ICA1L: variants seen among roughly 807,000 people sequenced by gnomAD.
ICA1L encodes the protein islet cell autoantigen 1-like protein.
ICA1L carries 50 observed loss-of-function variants against 61.3 expected under a neutral mutation model. That is an observed-to-expected ratio of 0.82 (90% CI 0.65 to 1.03). The LOEUF (loss-of-function observed/expected upper bound fraction) is 1.03. Among genes scored for constraint, ICA1L ranks in the 50% least tolerant of loss-of-function variants. The pLI, the probability that ICA1L is intolerant of heterozygous loss-of-function variation, is 0.00. For synonymous variants in ICA1L, 161 were observed against 191.3 expected, an observed-to-expected ratio of 0.84 and a Z score of 1.31; for missense variants, 508 against 556.7, an observed-to-expected ratio of 0.91 and a Z score of 0.88.
chr2:202,845,155 T>C (rs1291754202), intron 1 of ICA1L, among the ~76,000 whole-genome samples: 1 of 152,196 alleles, frequency 6.6e-6, no homozygotes, highest in Admixed American at 6.5e-5. Context: ...TCAATATCCT[T>C]AACTTAATTA....
chr2:202,797,162 G>GTGTGTGTGTGTGTA (rs1374435872), intron 9 of ICA1L, among the ~76,000 whole-genome samples, 198 bp from the exon 10 acceptor site: 39 of 146,380 alleles, frequency 2.7e-4, no homozygotes, highest in South Asian at 2.2e-4. Context: ...GTGTGTGTGT[G>GTGTGTGTGTGTGTA]TATATGTATA....
chr2:202,851,422 T>A (rs1200792955), intron 1 of ICA1L, among the ~76,000 whole-genome samples: 3 of 152,160 alleles, frequency 2.0e-5, no homozygotes, highest in Non-Finnish European at 4.4e-5. Context: ...TGATGGACAT[T>A]TGGGTTGGTT....
intron 1 of ICA1L, chr2:202,841,770 C>T: frequency 2.3e-6 from 1 of 434,754 alleles, no homozygotes; most frequent in Non-Finnish European, 4.5e-6. Context: ...TCTGGGTCAC[C>T]ATGATGGACA....
intron 1 of ICA1L, among the ~76,000 whole-genome samples, chr2:202,866,837 T>C (rs1687531489): frequency 6.6e-6 from 1 of 151,932 alleles, no homozygotes; most frequent in East Asian, 1.9e-4. Flanking sequence ...GTCCCAACTA[T>C]TGAGGAGGCT....
intron 10 of ICA1L, among the ~76,000 whole-genome samples, chr2:202,795,282 C>T (rs1370143662): frequency 4.6e-5 from 7 of 151,962 alleles, no homozygotes; most frequent in African/African-American, 7.2e-5. Flanking sequence ...TGAGCCACCG[C>T]GCCCGGCCCT....
At chr2:202,853,528 G>A (rs961263410) in intron 1 of ICA1L, among the ~76,000 whole-genome samples, 33 of 151,866 alleles carry the variant, frequency 2.2e-4, no homozygotes, top group Non-Finnish European at 1.3e-4. Flanking sequence ...TAAACTAAAG[G>A]GCTTCTGCAC....
chr2:202,782,655 C>T (rs1274402596), intron 12 of ICA1L, among the ~76,000 whole-genome samples: 2 of 152,050 alleles, frequency 1.3e-5, no homozygotes, highest in Non-Finnish European at 2.9e-5. Flanking sequence ...GATCTGCCCA[C>T]CTTGGCCTCC....
At chr2:202,840,717 G>C in intron 1 of ICA1L, 2 of 599,202 alleles carry the variant, frequency 3.3e-6, no homozygotes, top group East Asian at 8.0e-5. Context: ...GCAGCCTCCA[G>C]CTCGGAGAGC....
chr2:202,783,105 A>C (rs940933171), intron 12 of ICA1L, among the ~76,000 whole-genome samples: 1 of 152,176 alleles, frequency 6.6e-6, no homozygotes, highest in Non-Finnish European at 1.5e-5. Flanking sequence ...AAAAAGGGAA[A>C]GCTTTCCCAT....
intron 10 of ICA1L, among the ~76,000 whole-genome samples, chr2:202,791,816 G>T (rs1206929654): frequency 6.6e-6 from 1 of 152,144 alleles, no homozygotes; most frequent in African/African-American, 2.4e-5. Flanking sequence ...TTGCACTCAA[G>T]CCTGGGCAAC....
At chr2:202,796,790 G>T (rs1692938663) in intron 10 of ICA1L, 100 bp downstream of exon 10, 2 of 653,632 alleles carry the variant, frequency 3.1e-6, no homozygotes, top group Admixed American at 3.2e-5. Flanking sequence ...GCATTCTTAT[G>T]TAGAGACCCA....
chr2:202,786,241 G>T (rs1446609070), intron 11 of ICA1L, among the ~76,000 whole-genome samples: 1 of 152,216 alleles, frequency 6.6e-6, no homozygotes, highest in Non-Finnish European at 1.5e-5. Context: ...AAATAAATAT[G>T]TGGGATGTTT....
At chr2:202,789,778 G>A (rs767843853) in intron 10 of ICA1L, among the ~76,000 whole-genome samples, 3 of 152,208 alleles carry the variant, frequency 2.0e-5, no homozygotes, top group Non-Finnish European at 4.4e-5. Flanking sequence ...AATCCATGGT[G>A]TTAAGTAAAA....
At chr2:202,783,901 T>G (rs1327884201) in intron 12 of ICA1L, among the ~76,000 whole-genome samples, 3 of 148,220 alleles carry the variant, frequency 2.0e-5, no homozygotes, top group Admixed American at 6.8e-5. Flanking sequence ...TATATGTATA[T>G]GATGGGGGGG....
At chr2:202,868,689 G>A (rs1231933768) in intron 1 of ICA1L, among the ~76,000 whole-genome samples, 1 of 152,100 alleles carries the variant, frequency 6.6e-6, no homozygotes, top group South Asian at 2.1e-4. Flanking sequence ...AATTAAGGCC[G>A]GGCGCGGTGG....
chr2:202,786,647 AATGCTGAAACCTATAAAT>A (rs1692594615), intron 11 of ICA1L: 2 of 417,778 alleles, frequency 4.8e-6, no homozygotes, highest in African/African-American at 2.1e-5. Flanking sequence ...TGATAATTGG[AATGCTGAAACCTATAAAT>A]ATGCTCATAC....
chr2:202,829,827 G>A (rs1693964413), intron 1 of ICA1L, among the ~76,000 whole-genome samples: 1 of 151,970 alleles, frequency 6.6e-6, no homozygotes, highest in African/African-American at 2.4e-5. Context: ...TACTTTCTAA[G>A]TTTTGCTTTT....
At chr2:202,831,674 C>CA (rs1175055195) in intron 1 of ICA1L, among the ~76,000 whole-genome samples, 1 of 152,142 alleles carries the variant, frequency 6.6e-6, no homozygotes, top group African/African-American at 2.4e-5. Flanking sequence ...GATTGGACAG[C>CA]AAAAAACTAG....
intron 1 of ICA1L, among the ~76,000 whole-genome samples, chr2:202,833,890 G>A (rs1694078011): frequency 6.6e-6 from 1 of 152,186 alleles, no homozygotes; most frequent in South Asian, 2.1e-4. Flanking sequence ...GACGTAGAGA[G>A]TAGAATGGTA....
Sources: allele counts gnomAD v4.1 joint callset (sites outside exome capture counted in the v4.1 genomes callset), GRCh38; gene constraint gnomAD v4.1.1; transcripts MANE v1.5; gene names NCBI Gene and HGNC (gene_info 2026-07-23, HGNC 2026-07-21).